Variants in RORA observed in about 807,000 individuals in gnomAD.
The protein encoded by RORA is RAR related orphan receptor A.
Under a neutral mutation model 69.5 loss-of-function variants are expected in RORA, and 7 were observed. That is an observed-to-expected ratio of 0.10 (90% CI 0.06 to 0.19). The LOEUF (loss-of-function observed/expected upper bound fraction) is 0.19, where lower values mean the gene tolerates loss of function less well. Ranked by LOEUF, RORA falls within the 10% of genes least tolerant of loss-of-function variation. RORA has a pLI of 1.00. For synonymous variants in RORA, 261 were observed against 240.8 expected, an observed-to-expected ratio of 1.08 and a Z score of -0.78; for missense variants, 457 against 663.0, an observed-to-expected ratio of 0.69 and a Z score of 3.41.
At chr15:60,820,141 G>C (rs1301139567) in intron 1 of RORA, among the ~76,000 whole-genome samples, 1 of 152,230 alleles carries the variant, frequency 6.6e-6, no homozygotes, top group Non-Finnish European at 1.5e-5. Flanking sequence ...ACAGGCTGAC[G>C]AGTGAGGCTG....
At chr15:60,553,481 T>A (rs1055270212) in intron 2 of RORA, among the ~76,000 whole-genome samples, 3 of 152,116 alleles carry the variant, frequency 2.0e-5, no homozygotes, top group Non-Finnish European at 4.4e-5. Context: ...CATAGAGAAA[T>A]CAAAAGAATG....
intron 1 of RORA, among the ~76,000 whole-genome samples, chr15:60,755,192 T>C (rs555342612): frequency 1.4e-5 from 2 of 140,490 alleles, no homozygotes; most frequent in Admixed American, 1.5e-4. Flanking sequence ...TGTCCATGTG[T>C]TCTCATTGTT....
intron 2 of RORA, among the ~76,000 whole-genome samples, chr15:60,583,883 G>T (rs541991682): frequency 2.0e-5 from 3 of 152,164 alleles, no homozygotes; most frequent in Non-Finnish European, 4.4e-5. Context: ...GGTTAGCCCC[G>T]AGCAGTGGTT....
At position 60,705,566 on chromosome 15, in the gene RORA, G is replaced by T. The variant is rs77555442; in HGVS notation, c.167-26880C>A. Reference sequence around the variant, plus strand: ...TTACTATGCAATTATGATAAAGGTCGAGACAAGGCCATTTTCTAAAAGCAG... The same window carrying T: ...TTACTATGCAATTATGATAAAGGTCTAGACAAGGCCATTTTCTAAAAGCAG... On this transcript the variant is annotated intron_variant, in intron 1 of 10. Transcript: ENST00000335670. Among the ~76,000 whole-genome samples the T allele has an allele frequency of 8.3e-3, 1,259 of 152,238 alleles. 17 individuals carry two copies. Among genetic ancestry groups the T allele is most frequent in the African/African-American group, 0.029 (1,191 of 41,528 alleles).
chr15:60,762,817 G>A (rs971122303), intron 1 of RORA, among the ~76,000 whole-genome samples: 1 of 152,024 alleles, frequency 6.6e-6, no homozygotes, highest in African/African-American at 2.4e-5. Flanking sequence ...TGTTAGACAT[G>A]GTCTAATGGG....
chr15:60,915,907 T>G (rs921278548), intron 1 of RORA, among the ~76,000 whole-genome samples: 2 of 152,218 alleles, frequency 1.3e-5, no homozygotes, highest in African/African-American at 4.8e-5. Context: ...TTAAATGAGA[T>G]AAAGCACTTA....
At chr15:60,665,853 T>G (rs1252514849) in intron 2 of RORA, among the ~76,000 whole-genome samples, 1 of 152,126 alleles carries the variant, frequency 6.6e-6, no homozygotes, top group Non-Finnish European at 1.5e-5. Flanking sequence ...TTTTGTATTT[T>G]TAGTAAAGAC....
chr15:61,017,708 CA>C (rs922868156), intron 1 of RORA, among the ~76,000 whole-genome samples: 1 of 151,994 alleles, frequency 6.6e-6, no homozygotes, highest in African/African-American at 2.4e-5. Flanking sequence ...ACGAGCCCCC[CA>C]AAAAGGCAAA....
Position 60,497,370 on chromosome 15 carries a change from G to T in RORA, c.*85C>A, listed in dbSNP as rs2065193730. 2 of 1,191,950 alleles carry T rather than the reference G, an allele frequency of 1.7e-6. No homozygotes were observed. Among genetic ancestry groups the T allele is most frequent in the South Asian group, 1.4e-5 (1 of 73,668 alleles). The allele number at this position is 1,191,950 out of a possible 1,614,324, so 73.8% of individuals were successfully genotyped here. ...GTGTGGCGCTCCAGGTCTGTGCAGG[G>T]CCATATAAAGTGTCTCGGTTAATTT... is the stretch of plus-strand genomic sequence containing the variant. On this transcript the variant is annotated 3_prime_UTR_variant, in exon 11 of 11. Transcript: ENST00000335670.
In RORA at chr15:61,229,196, G is replaced by T. The variant is rs2080178339; in HGVS notation, c.23C>A (p.Pro8His). 1.3e-6 allele frequency: 2 copies of T among 1,547,580 alleles called. No homozygotes were observed. Among genetic ancestry groups the T allele is most frequent in the East Asian group, 4.9e-5 (2 of 41,192 alleles). Reference sequence around the variant, plus strand: ...GCCTGGCTCGCTGGCGGCGGGGTCGGGGGCTGCCGGAGCTGACTCCATGTT... The same window carrying T: ...GCCTGGCTCGCTGGCGGCGGGGTCGTGGGCTGCCGGAGCTGACTCCATGTT... MESAPAA[P>H]DPAASEPGSS... Residue 8 changes from proline (P) to histidine (H), a missense_variant, in exon 1 of 11, where the codon CCC (proline) becomes CAC (histidine). Around this residue, in one of 3 missense-constraint regions of RORA, gnomAD observed 119 missense variants for 92.4 expected, o/e 1.29. Coordinates refer to ENST00000335670, the MANE Select transcript of RORA (RefSeq NM_134261.3).
intron 1 of RORA, among the ~76,000 whole-genome samples, chr15:60,966,261 T>G (rs1448369358): frequency 6.6e-6 from 1 of 152,188 alleles, no homozygotes; most frequent in Non-Finnish European, 1.5e-5. Flanking sequence ...AAAGACCCTA[T>G]CTATAATATG....
intron 5 of RORA, among the ~76,000 whole-genome samples, chr15:60,505,999 A>G (rs893989067): frequency 1.3e-5 from 2 of 152,226 alleles, no homozygotes; most frequent in East Asian, 1.9e-4. Context: ...GCCACATAAC[A>G]TTGACCTGGG....
intron 1 of RORA, among the ~76,000 whole-genome samples, chr15:60,723,305 G>C (rs2071315946): frequency 6.6e-6 from 1 of 151,976 alleles, no homozygotes; most frequent in Admixed American, 6.6e-5. Context: ...AAGGTTTGCT[G>C]AAAGAGAAAA....
At chr15:61,164,785 A>C (rs574651197) in intron 1 of RORA, among the ~76,000 whole-genome samples, 6 of 152,236 alleles carry the variant, frequency 3.9e-5, no homozygotes, top group Non-Finnish European at 7.3e-5. Flanking sequence ...GGAAGCTGAA[A>C]GACTGATTTT....
At chr15:60,971,661 T>C (rs1186210715) in intron 1 of RORA, among the ~76,000 whole-genome samples, 1 of 152,250 alleles carries the variant, frequency 6.6e-6, no homozygotes, top group Non-Finnish European at 1.5e-5. Context: ...AAGCTCCCTT[T>C]TCTTCCTTTC....
At chr15:60,826,013 T>C (rs1176589017) in intron 1 of RORA, among the ~76,000 whole-genome samples, 2 of 152,184 alleles carry the variant, frequency 1.3e-5, no homozygotes, top group Non-Finnish European at 2.9e-5. Flanking sequence ...CAGGTAACTC[T>C]GAAAACAATT....
intron 2 of RORA, among the ~76,000 whole-genome samples, chr15:60,579,056 C>T (rs572312204): frequency 2.7e-5 from 4 of 148,844 alleles, no homozygotes; most frequent in South Asian, 2.1e-4. Context: ...TGTGAGCCAC[C>T]GCGCCCGGTT....
intron 1 of RORA, among the ~76,000 whole-genome samples, chr15:61,064,628 A>C (rs2078232322): frequency 6.6e-6 from 1 of 152,164 alleles, no homozygotes; most frequent in African/African-American, 2.4e-5. Flanking sequence ...CTCTGGTGTC[A>C]GTGGTCCACA....
chr15:60,831,363 C>T (rs1465331033), intron 1 of RORA, among the ~76,000 whole-genome samples: 4 of 152,066 alleles, frequency 2.6e-5, no homozygotes, highest in Non-Finnish European at 4.4e-5. Context: ...ACACCTGTGT[C>T]CTCTGGCTCA....
Sources: allele counts gnomAD v4.1 joint callset (sites outside exome capture counted in the v4.1 genomes callset), GRCh38; gene constraint gnomAD v4.1.1; regional missense constraint gnomAD v4.1.1; transcripts MANE v1.5; gene names NCBI Gene and HGNC (gene_info 2026-07-23, HGNC 2026-07-21).